The following SLIT3 variants were observed in gnomAD, a reference collection of about 807,000 sequenced individuals.
SLIT3 encodes slit homolog 3 protein.
Under a neutral mutation model 184.0 loss-of-function variants are expected in SLIT3, and 68 were observed. The observed-to-expected ratio is 0.37, with a 90% CI of 0.30 to 0.45. SLIT3 has a LOEUF of 0.45. Among genes scored for constraint, SLIT3 ranks in the 20% least tolerant of loss-of-function variants. The pLI, the probability that SLIT3 is intolerant of heterozygous loss-of-function variation, is 1.00. For missense variants in SLIT3, 1,707 were observed against 2,026.0 expected, an observed-to-expected ratio of 0.84 and a Z score of 3.02; for synonymous variants, 831 against 828.6, an observed-to-expected ratio of 1.00 and a Z score of -0.05.
At chr5:169,184,221 A>G (rs953968788) in intron 4 of SLIT3, among the ~76,000 whole-genome samples, 5 of 152,272 alleles carry the variant, frequency 3.3e-5, no homozygotes, top group Non-Finnish European at 1.5e-5. Flanking sequence ...ATACTGAACC[A>G]TGAAAGCTTC....
At chr5:168,723,809 G>A (rs551749636) in intron 21 of SLIT3, among the ~76,000 whole-genome samples, 4 of 152,160 alleles carry the variant, frequency 2.6e-5, no homozygotes, top group Non-Finnish European at 5.9e-5. Context: ...TCCATGCCCA[G>A]GTATTCTGAT....
intron 9 of SLIT3, among the ~76,000 whole-genome samples, chr5:168,801,540 T>C (rs1756766563): frequency 6.6e-6 from 1 of 152,060 alleles, no homozygotes; most frequent in Non-Finnish European, 1.5e-5. Context: ...TAGCAGAAGA[T>C]ACGAGACACG....
chr5:169,166,453 C>T (rs1376733482), intron 4 of SLIT3, among the ~76,000 whole-genome samples: 3 of 152,172 alleles, frequency 2.0e-5, no homozygotes, highest in Admixed American at 6.5e-5. Context: ...CAGCGAGAGT[C>T]CCAGAGTCAC....
chr5:169,293,159 GC>G (rs768246208), intron 1 of SLIT3, among the ~76,000 whole-genome samples: 188 of 152,346 alleles, frequency 1.2e-3, no homozygotes, highest in Admixed American at 2.7e-3. Flanking sequence ...AAACACCACA[GC>G]AATAAGACTT....
chr5:168,711,812 T>C (rs1055903714), intron 24 of SLIT3, among the ~76,000 whole-genome samples: 2 of 152,180 alleles, frequency 1.3e-5, no homozygotes, highest in Non-Finnish European at 2.9e-5. Context: ...CTAATATTTA[T>C]GGGCCTCAGT....
chr5:168,666,336 TTCTTTACCTTCC>T lies in SLIT3; in HGVS notation c.*106_*117del. 1.0e-6 allele frequency: 1 copy of T among 975,658 alleles called. No individual in the cohort carries two copies. Among genetic ancestry groups the T allele is most frequent in the Non-Finnish European group, 1.4e-6 (1 of 698,648 alleles). The allele number at this position is 975,658 out of a possible 1,614,324, so 60.4% of individuals were successfully genotyped here. ...TTACAATATACTTAATATTCTCTTC[TTCTTTACCTTCC>T]TCTCCAGCTTCATTTCCTTCATGCT... On this transcript the variant is annotated 3_prime_UTR_variant, in exon 36 of 36. Coordinates refer to ENST00000519560, the MANE Select transcript of SLIT3 (RefSeq NM_003062.4).
chr5:169,010,062 G>A (rs987551323), intron 4 of SLIT3, among the ~76,000 whole-genome samples: 1 of 152,172 alleles, frequency 6.6e-6, no homozygotes. Flanking sequence ...TTTACAGGAG[G>A]AAGGAGGCAA....
At position 168,708,113 on chromosome 5, in the gene SLIT3, A is replaced by C; in HGVS notation, c.2720-13T>G. On this transcript the variant is annotated splice_polypyrimidine_tract_variant and intron_variant, in intron 25 of 35. Transcript: ENST00000519560. Reference sequence around the variant, plus strand: ...ATGTCCACTGGCCCTGGGCAGCAAAACCAGAGTACTGATGGCAGGTCCTGA... The same window carrying C: ...ATGTCCACTGGCCCTGGGCAGCAAACCCAGAGTACTGATGGCAGGTCCTGA... The C allele has an allele frequency of 6.2e-7, 1 of 1,614,146 alleles. No homozygotes were observed. Among genetic ancestry groups the C allele is most frequent in the South Asian group, 1.1e-5 (1 of 91,084 alleles).
At chr5:169,050,486 C>T (rs1000796142) in intron 4 of SLIT3, among the ~76,000 whole-genome samples, 1 of 152,158 alleles carries the variant, frequency 6.6e-6, no homozygotes, top group Non-Finnish European at 1.5e-5. Flanking sequence ...GGTCTGTGCC[C>T]AGATAATTGG....
intron 5 of SLIT3, among the ~76,000 whole-genome samples, chr5:168,869,451 A>G (rs1759431391): frequency 6.6e-6 from 1 of 152,210 alleles, no homozygotes; most frequent in Admixed American, 6.5e-5. Context: ...AGAAATTAAT[A>G]AGAACTGTGT....
chr5:168,935,324 C>T (rs911419084), intron 4 of SLIT3, among the ~76,000 whole-genome samples: 5 of 152,068 alleles, frequency 3.3e-5, no homozygotes, highest in African/African-American at 9.7e-5. Context: ...AAGTCTGAAC[C>T]ACTACACTGT....
At chr5:168,879,460 C>A (rs1759871205) in intron 5 of SLIT3, among the ~76,000 whole-genome samples, 1 of 152,132 alleles carries the variant, frequency 6.6e-6, no homozygotes, top group Admixed American at 6.5e-5. Context: ...TCTTATTTTC[C>A]ATGTGCCGAT....
chr5:168,688,244 G>A (rs1275230107), intron 29 of SLIT3, among the ~76,000 whole-genome samples: 4 of 152,192 alleles, frequency 2.6e-5, no homozygotes, highest in Admixed American at 6.5e-5. Flanking sequence ...AATTCTAGTG[G>A]GCAGGTAAAA....
intron 6 of SLIT3, among the ~76,000 whole-genome samples, chr5:168,828,658 C>CA (rs56974958): frequency 0.011 from 1,104 of 97,102 alleles, 59 homozygotes; most frequent in African/African-American, 0.038. Flanking sequence ...GATCCTGACT[C>CA]AAAAAAAAAA....
At chr5:169,195,113 C>A (rs1414423318) in intron 3 of SLIT3, among the ~76,000 whole-genome samples, 1 of 152,044 alleles carries the variant, frequency 6.6e-6, no homozygotes, top group Non-Finnish European at 1.5e-5. Context: ...CTATATGATC[C>A]CCATCTGAGA....
intron 4 of SLIT3, among the ~76,000 whole-genome samples, chr5:169,180,318 G>C (rs1235708139): frequency 4.6e-5 from 7 of 152,232 alleles, no homozygotes; most frequent in Admixed American, 1.3e-4. Context: ...GATGGCACTA[G>C]GACAAGTACC....
At chr5:168,676,632 C>A (rs1561869176) in intron 32 of SLIT3, among the ~76,000 whole-genome samples, 1 of 152,194 alleles carries the variant, frequency 6.6e-6, no homozygotes, top group Non-Finnish European at 1.5e-5. Context: ...GTTTTCTAAC[C>A]ACACATGCAA....
In SLIT3 at chr5:169,139,210, CA is replaced by C. The variant is rs1324156676; in HGVS notation, c.413+54268del. The stretch of plus-strand genomic sequence containing the variant: ...AAGGAAGACTTTCTTGTGTACCTAG[CA>C]CTGTGCTCTTAGAAACAGAACTACA... On this transcript the variant is annotated intron_variant, in intron 4 of 35. Coordinates refer to ENST00000519560, the MANE Select transcript of SLIT3 (RefSeq NM_003062.4). Among the ~76,000 whole-genome samples the C allele has an allele frequency of 1.2e-4, 18 of 152,328 alleles. No homozygotes were observed. In the East Asian group the frequency reaches 3.5e-3, roughly 29 times the overall value.
intron 4 of SLIT3, among the ~76,000 whole-genome samples, chr5:168,925,041 C>T (rs72829608): frequency 6.6e-6 from 1 of 152,302 alleles, no homozygotes; most frequent in Non-Finnish European, 1.5e-5. Context: ...AGGAACTGTG[C>T]TAGGAGTGTT....
Sources: gnomAD v4.1 joint callset for allele counts (sites outside exome capture counted in the v4.1 genomes callset) on GRCh38, gnomAD v4.1.1 for gene constraint, MANE v1.5 for transcripts, NCBI Gene and HGNC (gene_info 2026-07-23, HGNC 2026-07-21) for gene names.